The following AKAP13 variants were observed in gnomAD, a reference collection of about 807,000 sequenced individuals.
The protein encoded by AKAP13 is A-kinase anchor protein 13.
In AKAP13, 80 loss-of-function variants were observed where a neutral mutation model predicts 264.5. That is an observed-to-expected ratio of 0.30 (90% CI 0.25 to 0.36). The LOEUF is 0.36. Ranked by LOEUF, AKAP13 falls within the 10% of genes least tolerant of loss-of-function variation. The probability of loss-of-function intolerance (pLI) is 1.00; values close to 1 mark genes in which losing one functional copy is unlikely to be tolerated. For synonymous variants in AKAP13, 1,380 were observed against 1,250.2 expected (o/e 1.10, Z -2.19); for missense variants, 3,712 against 3,435.2 (o/e 1.08, Z -2.01).
chr15:85,666,679 G>A (rs2151554671), intron 13 of AKAP13, among the ~76,000 whole-genome samples: 1 of 152,258 alleles, frequency 6.6e-6, no homozygotes, highest in African/African-American at 2.4e-5. Flanking sequence ...CTCCCAAAGT[G>A]CTGGCATTAC....
At chr15:85,610,695 G>GC (rs939598711) in intron 8 of AKAP13, among the ~76,000 whole-genome samples, 5 of 152,248 alleles carry the variant, frequency 3.3e-5, no homozygotes, top group African/African-American at 1.2e-4. Context: ...GAGCTTAAGG[G>GC]CCGGGCGTGG....
At chr15:85,634,514 A>G (rs2081992821) in intron 8 of AKAP13, among the ~76,000 whole-genome samples, 2 of 152,218 alleles carry the variant, frequency 1.3e-5, no homozygotes, top group African/African-American at 4.8e-5. Context: ...GGGAATTGTG[A>G]AGACTAAAAT....
intron 2 of AKAP13, among the ~76,000 whole-genome samples, chr15:85,500,964 A>G (rs2076022599): frequency 6.6e-6 from 1 of 152,176 alleles, no homozygotes; most frequent in Non-Finnish European, 1.5e-5. Flanking sequence ...TGTGAGTTTT[A>G]TCTTACTGCT....
intron 5 of AKAP13, among the ~76,000 whole-genome samples, chr15:85,566,173 T>C (rs765693722): frequency 6.6e-6 from 1 of 152,236 alleles, no homozygotes; most frequent in Non-Finnish European, 1.5e-5. Flanking sequence ...TCTTCAAATG[T>C]TCATCTCAAA....
intron 1 of AKAP13, among the ~76,000 whole-genome samples, chr15:85,468,594 C>G (rs1045587033): frequency 6.6e-6 from 1 of 152,164 alleles, no homozygotes; most frequent in South Asian, 2.1e-4. Context: ...GTATCACTTT[C>G]AGATATTTTG....
rs373550260 is a variant in AKAP13 at position 85,655,468 on chromosome 15, G to A, written c.4426G>A (p.Asp1476Asn). 19 of 1,614,174 alleles carry A rather than the reference G, an allele frequency of 1.2e-5. No homozygotes were observed. Among genetic ancestry groups the A allele is most frequent in the East Asian group, 2.2e-5 (1 of 44,884 alleles). ...TATCACCGGATCCAGTTCATCCACC[G>A]ATGACACGGCTTCACTGGACCGACA... ...CDITGSSSST[D>N]DTASLDRHSS... Residue 1476 changes from aspartate to asparagine, a missense_variant, in exon 11 of 37, where the codon GAT becomes AAT. Coordinates refer to ENST00000394518, the MANE Select transcript of AKAP13 (RefSeq NM_007200.5).
chr15:85,551,289 G>A (rs925845054), intron 5 of AKAP13, among the ~76,000 whole-genome samples: 9 of 152,164 alleles, frequency 5.9e-5, no homozygotes, highest in African/African-American at 1.9e-4. Context: ...ATTGCAAAAT[G>A]TACTTTCTGA....
chr15:85,575,306 A>G lies in AKAP13; in HGVS notation c.838A>G (p.Met280Val), dbSNP rs1475126853. 2 of 1,614,188 alleles carry G rather than the reference A, an allele frequency of 1.2e-6. No homozygotes were observed. The highest frequency in any genetic ancestry group is 1.7e-5 in the Admixed American group (1 of 60,032). Reference protein sequence around the residue: ...DGCTGPIFKLMNIQQQLMKTN... With the variant: ...DGCTGPIFKLVNIQQQLMKTN... ...TTGCACTGGACCAATTTTTAAACTTATGAACATCCAACAGCAACTAATGGT... is the reference window on the plus strand; with the variant it reads ...TTGCACTGGACCAATTTTTAAACTTGTGAACATCCAACAGCAACTAATGGT... Residue 280 changes from methionine to valine, a missense_variant, in exon 6 of 37, where the codon ATG becomes GTG. Coordinates refer to ENST00000394518, the MANE Select transcript of AKAP13 (RefSeq NM_007200.5).
At chr15:85,559,608 A>T (rs1321971579) in intron 5 of AKAP13, among the ~76,000 whole-genome samples, 3 of 152,158 alleles carry the variant, frequency 2.0e-5, no homozygotes, top group South Asian at 2.1e-4. Context: ...ACAGTGACAG[A>T]TCATCAAACA....
chr15:85,673,404 C>T (rs2084024308), intron 14 of AKAP13, among the ~76,000 whole-genome samples: 1 of 152,006 alleles, frequency 6.6e-6, no homozygotes, highest in Admixed American at 6.6e-5. Flanking sequence ...GCGTGACTTG[C>T]CGGCAATTTT....
At chr15:85,671,977 G>A (rs1241685537) in intron 14 of AKAP13, among the ~76,000 whole-genome samples, 1 of 152,070 alleles carries the variant, frequency 6.6e-6, no homozygotes, top group East Asian at 1.9e-4. Flanking sequence ...ACAAAACACG[G>A]TGCTTTTTGA....
chr15:85,461,464 G>A (rs1039473877), intron 1 of AKAP13, among the ~76,000 whole-genome samples: 1 of 152,154 alleles, frequency 6.6e-6, no homozygotes, highest in Non-Finnish European at 1.5e-5. Context: ...TGCTAACACA[G>A]TGTTAACCCT....
At chr15:85,696,369 C>G (rs2085567310) in intron 17 of AKAP13, among the ~76,000 whole-genome samples, 1 of 152,176 alleles carries the variant, frequency 6.6e-6, no homozygotes, top group South Asian at 2.1e-4. Context: ...ACCCCGCTCC[C>G]TTAAGAAACC....
At chr15:85,585,994 A>G (rs2079323447) in intron 8 of AKAP13, among the ~76,000 whole-genome samples, 171 bp downstream of exon 8, 1 of 152,198 alleles carries the variant, frequency 6.6e-6, no homozygotes, top group Non-Finnish European at 1.5e-5. Flanking sequence ...CTAAGCTTTC[A>G]TAAATGGTAT....
chr15:85,440,547 T>C (rs1330267671), intron 1 of AKAP13, among the ~76,000 whole-genome samples: 2 of 152,192 alleles, frequency 1.3e-5, no homozygotes, highest in African/African-American at 4.8e-5. Context: ...TCTTTCTATA[T>C]TCATCAGTAA....
At chr15:85,416,131 G>T (rs2072233776) in intron 1 of AKAP13, among the ~76,000 whole-genome samples, 1 of 152,220 alleles carries the variant, frequency 6.6e-6, no homozygotes, top group Non-Finnish European at 1.5e-5. Flanking sequence ...GAGCATTAAA[G>T]AATAGGTTAC....
At chr15:85,632,141 C>T (rs2081863606) in intron 8 of AKAP13, among the ~76,000 whole-genome samples, 1 of 152,164 alleles carries the variant, frequency 6.6e-6, no homozygotes, top group Admixed American at 6.6e-5. Flanking sequence ...CATCCTGACA[C>T]AGTTTCATGG....
chr15:85,647,117 G>A (rs891020431), intron 10 of AKAP13, among the ~76,000 whole-genome samples: 17 of 152,302 alleles, frequency 1.1e-4, no homozygotes, highest in African/African-American at 3.8e-4. Flanking sequence ...TACAAGAATA[G>A]GCCGGGTGTG....
At chr15:85,657,789 T>C (rs1240102127) in intron 11 of AKAP13, among the ~76,000 whole-genome samples, 1 of 151,450 alleles carries the variant, frequency 6.6e-6, no homozygotes, top group African/African-American at 2.4e-5. Context: ...AGCCAGAGCT[T>C]GAAGCAAATG....
Sources: allele counts gnomAD v4.1 joint callset (sites outside exome capture counted in the v4.1 genomes callset), GRCh38; gene constraint gnomAD v4.1.1; transcripts MANE v1.5; gene names NCBI Gene and HGNC (gene_info 2026-07-23, HGNC 2026-07-21).